VPS50: variants seen among roughly 807,000 people sequenced by gnomAD.
VPS50 encodes the protein VPS50 subunit of EARP/GARPII complex.
VPS50 carries 70 observed loss-of-function variants against 139.7 expected under a neutral mutation model. That is an observed-to-expected ratio of 0.50 (90% confidence interval 0.41 to 0.61). The LOEUF is 0.61. VPS50 is among the 20% of genes least tolerant of loss of function. The probability of loss-of-function intolerance (pLI) is 0.00; values close to 1 mark genes in which losing one functional copy is unlikely to be tolerated. For synonymous variants in VPS50, 365 were observed against 376.7 expected (o/e 0.97, Z 0.36); for missense variants, 921 against 1,133.7 (o/e 0.81, Z 2.69).
intron 24 of VPS50, 47 bp from the exon 25 acceptor site, chr7:93,349,828 A>C (rs1218712973): frequency 1.4e-6 from 2 of 1,474,688 alleles, no homozygotes; most frequent in Admixed American, 3.6e-5. Context: ...TATCAATATG[A>C]TACTTTTAGA....
chr7:93,313,412 G>A (rs977006311), intron 20 of VPS50, among the ~76,000 whole-genome samples: 13 of 152,070 alleles, frequency 8.5e-5, no homozygotes, highest in African/African-American at 3.1e-4. Flanking sequence ...TGCTGTTTAC[G>A]CTGAAGGCAT....
At chr7:93,298,463 A>T (rs1393919053) in intron 16 of VPS50, among the ~76,000 whole-genome samples, 1 of 152,190 alleles carries the variant, frequency 6.6e-6, no homozygotes, top group East Asian at 1.9e-4. Flanking sequence ...CGGAAGCCTC[A>T]CTTTCCCTGC....
intron 20 of VPS50, among the ~76,000 whole-genome samples, chr7:93,315,708 C>T (rs949647284): frequency 2.6e-5 from 4 of 152,064 alleles, no homozygotes; most frequent in Non-Finnish European, 2.9e-5. Context: ...TATTTACTTG[C>T]GAACTACTTA....
chr7:93,251,931 A>T (rs1795347702), intron 2 of VPS50, among the ~76,000 whole-genome samples: 1 of 152,190 alleles, frequency 6.6e-6, no homozygotes, highest in South Asian at 2.1e-4. Flanking sequence ...CTGAAGCTTT[A>T]TCTGATTATG....
At chr7:93,320,941 T>A (rs1339428629) in intron 20 of VPS50, 1 of 152,308 alleles carries the variant, frequency 6.6e-6, no homozygotes, top group African/African-American at 2.4e-5. Context: ...GGCTTATGTT[T>A]TTCCATCAAC....
At chr7:93,243,562 G>A (rs1028428361) in intron 2 of VPS50, among the ~76,000 whole-genome samples, 1 of 151,920 alleles carries the variant, frequency 6.6e-6, no homozygotes. Context: ...TTCATTCTTC[G>A]AAATGGATTC....
At chr7:93,249,320 G>A (rs975034533) in intron 2 of VPS50, among the ~76,000 whole-genome samples, 2 of 151,792 alleles carry the variant, frequency 1.3e-5, no homozygotes, top group Non-Finnish European at 2.9e-5. Context: ...GAGAGAGAGA[G>A]AAAGAGAGAG....
At chr7:93,306,150 T>C (rs1797110903) in intron 18 of VPS50, 146 bp downstream of exon 18, 1 of 607,904 alleles carries the variant, frequency 1.6e-6, no homozygotes, top group Non-Finnish European at 2.9e-6. Flanking sequence ...ATTACATTTA[T>C]AGATGATGAC....
chr7:93,323,650 C>A lies in VPS50; in HGVS notation c.1895C>A (p.Ala632Asp). Residue 632 changes from alanine to aspartate, a missense_variant, in exon 21 of 28, where the codon GCC becomes GAC. Coordinates refer to ENST00000305866, the MANE Select transcript of VPS50 (RefSeq NM_017667.4). The part of the protein sequence containing the change: ...MQMMNILKPI[A>D]FDVIHFMSQL... ...ATGATGAACATTCTTAAGCCAATTG[C>A]CTTTGATGTTATTCATTTCATGTCT... 7.4e-7 allele frequency: 1 copy of A among 1,358,906 alleles called. No individual in the cohort carries two copies. The highest frequency in any genetic ancestry group is 9.9e-7 in the Non-Finnish European group (1 of 1,009,754). The allele number at this position is 1,358,906 out of a possible 1,614,324, so 84.2% of individuals were successfully genotyped here. A position where few individuals can be genotyped will look rare whatever the true frequency, so the allele number is the denominator to read the frequency against.
At chr7:93,357,462 A>C (rs1188045607) in intron 27 of VPS50, among the ~76,000 whole-genome samples, 2 of 152,170 alleles carry the variant, frequency 1.3e-5, no homozygotes, top group African/African-American at 4.8e-5. Flanking sequence ...CTGAATGCTG[A>C]GTGGTTAAAT....
intron 18 of VPS50, among the ~76,000 whole-genome samples, chr7:93,307,820 A>G (rs1224565234): frequency 1.3e-5 from 2 of 151,870 alleles, no homozygotes; most frequent in Admixed American, 1.3e-4. Flanking sequence ...TCCAGGTGCA[A>G]CTTATGTCCT....
chr7:93,247,627 C>T (rs1795195511), intron 2 of VPS50, among the ~76,000 whole-genome samples: 1 of 151,940 alleles, frequency 6.6e-6, no homozygotes, highest in Non-Finnish European at 1.5e-5. Flanking sequence ...ATTGTCATTG[C>T]TTACTTATTC....
intron 2 of VPS50, among the ~76,000 whole-genome samples, chr7:93,247,289 A>G (rs1795184527): frequency 6.6e-6 from 1 of 151,948 alleles, no homozygotes. Flanking sequence ...TTAGTGAAGA[A>G]AATATGGTTC....
chr7:93,235,031 T>C (rs1373391704), intron 1 of VPS50, among the ~76,000 whole-genome samples: 1 of 151,958 alleles, frequency 6.6e-6, no homozygotes, highest in Non-Finnish European at 1.5e-5. Flanking sequence ...TTGTTGGTGA[T>C]TTGAGGTCAC....
chr7:93,308,022 A>G (rs1797163412), intron 18 of VPS50, among the ~76,000 whole-genome samples: 1 of 151,954 alleles, frequency 6.6e-6, no homozygotes, highest in Admixed American at 6.6e-5. Context: ...AATTCATGAA[A>G]GCACTTAGCA....
At chr7:93,353,918 T>C (rs1798626657) in intron 26 of VPS50, among the ~76,000 whole-genome samples, 157 bp downstream of exon 26, 1 of 152,222 alleles carries the variant, frequency 6.6e-6, no homozygotes, top group Admixed American at 6.5e-5. Context: ...GACCCCACTG[T>C]GTCTGTCTCT....
chr7:93,356,189 T>C, intron 27 of VPS50, 109 bp downstream of exon 27: 1 of 579,722 alleles, frequency 1.7e-6, no homozygotes, highest in East Asian at 3.0e-5. Context: ...TAAAGAAACA[T>C]TTGCTTTTTT....
rs763258828 is a variant in VPS50 at position 93,252,660 on chromosome 7, T to C, written c.110T>C (p.Phe37Ser). The change falls in exon 3 of 28, where the codon TTC (phenylalanine) becomes TCC (serine). Residue 37 changes from phenylalanine (F) to serine (S), a missense_variant. By Grantham distance (155) the Phe-to-Ser change is radical (BLOSUM62 -2). This residue lies in a region of VPS50 where 744 missense variants were observed against 930.6 expected (regional missense o/e 0.80). Coordinates refer to ENST00000305866, the MANE Select transcript of VPS50 (RefSeq NM_017667.4). ...ESLRVPGKEE[F>S]RELREQPSDP... ...GATTTTTTTTTCTTAAAGGAAGAAT[T>C]CAGGGAACTTCGAGAACAGCCAAGT... is the stretch of plus-strand genomic sequence containing the variant. 3 of 1,596,730 alleles carry C rather than the reference T, an allele frequency of 1.9e-6. No homozygotes were observed. Among genetic ancestry groups the C allele is most frequent in the Non-Finnish European group, 2.6e-6 (3 of 1,169,440 alleles).
At chr7:93,236,893 G>GAGACAGT (rs1300789810) in intron 1 of VPS50, among the ~76,000 whole-genome samples, 9 of 139,828 alleles carry the variant, frequency 6.4e-5, no homozygotes, top group African/African-American at 2.4e-4. Context: ...TGAGATATAT[G>GAGACAGT]AGACAGTATT....
Sources: gnomAD v4.1 joint callset for allele counts (sites outside exome capture counted in the v4.1 genomes callset) on GRCh38, gnomAD v4.1.1 for gene constraint, gnomAD v4.1.1 regional missense constraint, MANE v1.5 for transcripts, NCBI Gene and HGNC (gene_info 2026-07-23, HGNC 2026-07-21) for gene names.